RNF11: variants seen among roughly 807,000 people sequenced by gnomAD.
The protein encoded by RNF11 is ring finger protein 11.
Under a neutral mutation model 15.8 loss-of-function variants are expected in RNF11, and 4 were observed. That is an observed-to-expected ratio of 0.25 (90% CI 0.12 to 0.58). The LOEUF is 0.58. RNF11 is among the 20% of genes least tolerant of loss of function. The probability of loss-of-function intolerance (pLI) is 0.91; values close to 1 mark genes in which losing one functional copy is unlikely to be tolerated. For missense variants in RNF11, 139 were observed against 194.4 expected (o/e 0.71, Z 1.70); for synonymous variants, 68 against 72.3 (o/e 0.94, Z 0.30).
At chr1:51,271,103 G>C in intron 2 of RNF11, 48 bp from the exon 3 acceptor site, 2 of 1,504,096 alleles carry the variant, frequency 1.3e-6, no homozygotes, top group Non-Finnish European at 1.8e-6. Context: ...TTTCTGAATA[G>C]GACACTTCTG....
intron 1 of RNF11, among the ~76,000 whole-genome samples, chr1:51,267,059 A>G (rs1330554719): frequency 6.6e-6 from 1 of 152,146 alleles, no homozygotes; most frequent in Non-Finnish European, 1.5e-5. Flanking sequence ...CAGCCTGGTC[A>G]GCGAGACACT....
At chr1:51,270,996 A>G (rs2148075749) in intron 2 of RNF11, among the ~76,000 whole-genome samples, 155 bp from the exon 3 acceptor site, 1 of 152,346 alleles carries the variant, frequency 6.6e-6, no homozygotes, top group South Asian at 2.1e-4. Context: ...CAACATTAGG[A>G]AAAAATTCAG....
intron 1 of RNF11, chr1:51,251,411 A>C: frequency 7.7e-7 from 1 of 1,300,772 alleles, no homozygotes; most frequent in Non-Finnish European, 1.1e-6. Flanking sequence ...CGCGGAAGCC[A>C]CCGCAGTTCC....
At chr1:51,239,739 A>G (rs1013508792) in intron 1 of RNF11, among the ~76,000 whole-genome samples, 7 of 152,192 alleles carry the variant, frequency 4.6e-5, no homozygotes, top group Admixed American at 2.6e-4. Flanking sequence ...TCAGTTGATA[A>G]AAGTAACTTT....
chr1:51,267,982 C>T (rs574017782), intron 1 of RNF11, among the ~76,000 whole-genome samples: 27 of 152,308 alleles, frequency 1.8e-4, no homozygotes, highest in Non-Finnish European at 4.0e-4. Flanking sequence ...ACGCCTGCCT[C>T]GGCCTTTCAA....
At chr1:51,271,126 G>A (rs757798018) in intron 2 of RNF11, 25 bp from the exon 3 acceptor site, 2 of 1,601,686 alleles carry the variant, frequency 1.2e-6, no homozygotes, top group South Asian at 1.1e-5. Context: ...AATGCCTTCT[G>A]ATTTCTCTCC....
intron 1 of RNF11, among the ~76,000 whole-genome samples, chr1:51,266,602 A>G (rs920137839): frequency 6.6e-6 from 1 of 152,082 alleles, no homozygotes; most frequent in Admixed American, 6.6e-5. Flanking sequence ...AGCTGGGACT[A>G]CAGGTGTACA....
chr1:51,243,526 C>G (rs372538146), intron 1 of RNF11, among the ~76,000 whole-genome samples: 6 of 152,282 alleles, frequency 3.9e-5, no homozygotes, highest in African/African-American at 1.2e-4. Flanking sequence ...GCAGCCTCCG[C>G]CTCCCGGGTC....
chr1:51,242,325 CTTTTTTTTTT>C (rs57821900), intron 1 of RNF11, among the ~76,000 whole-genome samples: 1 of 131,142 alleles, frequency 7.6e-6, no homozygotes, highest in East Asian at 2.1e-4. Flanking sequence ...TTCAAGATAC[CTTTTTTTTTT>C]TTTTTTTTTG....
In RNF11 at chr1:51,272,196, G is replaced by A. The variant is rs1423255973; in HGVS notation, c.*874G>A. On this transcript the variant is annotated 3_prime_UTR_variant, in exon 3 of 3. Coordinates refer to ENST00000242719, the MANE Select transcript of RNF11 (RefSeq NM_014372.5). ...TATTGAGATTGAATTATGCCACCAC[G>A]TTTATGTAAAAATGAAGGTGGCACC... The A allele has an allele frequency of 7.9e-5, 12 of 152,502 alleles. No homozygotes were observed. The highest frequency in any genetic ancestry group is 3.9e-4 in the East Asian group (2 of 5,186). The allele number at this position is 152,502 out of a possible 1,614,324, so 9.4% of individuals were successfully genotyped here. A position where few individuals can be genotyped will look rare whatever the true frequency, so the allele number is the denominator to read the frequency against.
At position 51,247,454 on chromosome 1, in the gene RNF11, G is replaced by GTT. The variant is rs111522620; in HGVS notation, c.123+10586_123+10587dup. On this transcript the variant is annotated intron_variant, in intron 1 of 2. Coordinates refer to ENST00000242719, the MANE Select transcript of RNF11 (RefSeq NM_014372.5). ...GAAGTATGTGGTTTTTTGTTTTTTT[G>GTT]TTTTTTTTTTTTGTAAAGACAGTGT... Among the ~76,000 whole-genome samples, 535 of 142,734 alleles carry GTT rather than the reference G, an allele frequency of 3.7e-3. 1 individual carries two copies. The highest frequency in any genetic ancestry group is 0.013 in the African/African-American group (509 of 39,444). The allele number at this position is 142,734 out of a possible 152,430, so 93.6% of individuals were successfully genotyped here.
intron 1 of RNF11, among the ~76,000 whole-genome samples, chr1:51,248,948 A>G (rs911068544): frequency 2.6e-5 from 4 of 152,220 alleles, no homozygotes; most frequent in Non-Finnish European, 4.4e-5. Flanking sequence ...AAAAAAATAT[A>G]TAGTGTAACT....
At chr1:51,258,747 ATTTCC>A (rs767217926) in intron 1 of RNF11, among the ~76,000 whole-genome samples, 1 of 152,092 alleles carries the variant, frequency 6.6e-6, no homozygotes, top group Non-Finnish European at 1.5e-5. Flanking sequence ...TCAGTTGGTG[ATTTCC>A]TTTCTTTTGC....
intron 1 of RNF11, among the ~76,000 whole-genome samples, chr1:51,257,889 T>C (rs1487198908): frequency 1.4e-5 from 2 of 144,878 alleles, no homozygotes; most frequent in African/African-American, 5.2e-5. Flanking sequence ...AGTCTGTTGC[T>C]GATGCTCAGG....
chr1:51,251,780 T>G (rs1646879282), intron 1 of RNF11, among the ~76,000 whole-genome samples: 1 of 151,792 alleles, frequency 6.6e-6, no homozygotes, highest in Non-Finnish European at 1.5e-5. Context: ...TTACAAAAAA[T>G]CAAAAGAATT....
intron 1 of RNF11, among the ~76,000 whole-genome samples, chr1:51,242,292 A>G (rs532426882): frequency 1.3e-5 from 2 of 151,812 alleles, no homozygotes; most frequent in African/African-American, 2.4e-5. Flanking sequence ...GGATATTTCA[A>G]ATTGTGTCTG....
chr1:51,253,577 T>TAG (rs1243559688), intron 1 of RNF11, among the ~76,000 whole-genome samples: 20 of 149,564 alleles, frequency 1.3e-4, no homozygotes, highest in African/African-American at 4.9e-4. Flanking sequence ...AGAAGGAAAG[T>TAG]AGAGATTGTG....
In RNF11 at chr1:51,271,242, T is replaced by G; in HGVS notation, c.385T>G (p.Trp129Gly). 2 of 1,614,138 alleles carry G rather than the reference T, an allele frequency of 1.2e-6. No homozygotes were observed. Among genetic ancestry groups the G allele is most frequent in the Non-Finnish European group, 8.5e-7 (1 of 1,179,960 alleles). ...HIYHLDCIDD[W>G]LMRSFTCPSC... ...CTATCACCTGGACTGTATAGATGAC[T>G]GGTTGATGAGATCCTTCACGTGCCC... Residue 129 changes from tryptophan to glycine, a missense_variant, in exon 3 of 3, where the codon TGG becomes GGG. Coordinates refer to ENST00000242719, the MANE Select transcript of RNF11 (RefSeq NM_014372.5).
intron 1 of RNF11, among the ~76,000 whole-genome samples, chr1:51,243,338 A>G (rs774067016): frequency 1.3e-5 from 2 of 152,236 alleles, no homozygotes; most frequent in Non-Finnish European, 2.9e-5. Context: ...TTACAGCAAC[A>G]TAATTGATGT....
Sources: allele counts gnomAD v4.1 joint callset (sites outside exome capture counted in the v4.1 genomes callset), GRCh38; gene constraint gnomAD v4.1.1; transcripts MANE v1.5; gene names NCBI Gene and HGNC (gene_info 2026-07-23, HGNC 2026-07-21).